Variants in DOCK3 observed in about 807,000 individuals in gnomAD.
DOCK3 encodes the protein dedicator of cytokinesis 3.
DOCK3 carries 60 observed loss-of-function variants against 265.6 expected under a neutral mutation model. The ratio of observed to expected loss-of-function variants is 0.23; its 90% CI spans 0.18 to 0.28. The LOEUF is 0.28. Among genes scored for constraint, DOCK3 ranks in the 10% least tolerant of loss-of-function variants. The pLI, the probability that DOCK3 is intolerant of heterozygous loss-of-function variation, is 1.00. For synonymous variants in DOCK3, 881 were observed against 938.0 expected, an observed-to-expected ratio of 0.94 and a Z score of 1.11; for missense variants, 1,981 against 2,594.3, an observed-to-expected ratio of 0.76 and a Z score of 5.14.
At chr3:51,167,889 A>T (rs867588325) in intron 12 of DOCK3, among the ~76,000 whole-genome samples, 79 of 152,166 alleles carry the variant, frequency 5.2e-4, no homozygotes, top group Middle Eastern at 3.2e-3. Flanking sequence ...CTGCAAACAG[A>T]GACAGTTGAA....
chr3:50,744,714 C>T (rs140705161), intron 1 of DOCK3, among the ~76,000 whole-genome samples: 49 of 152,232 alleles, frequency 3.2e-4, no homozygotes, highest in Non-Finnish European at 5.4e-4. Flanking sequence ...GGGTTACAGG[C>T]GTGAGCCACT....
intron 3 of DOCK3, among the ~76,000 whole-genome samples, chr3:50,878,988 A>G (rs1482530026): frequency 1.3e-5 from 2 of 152,202 alleles, no homozygotes; most frequent in African/African-American, 4.8e-5. Context: ...ATTCTTAAAG[A>G]AAAGAATTTT....
intron 9 of DOCK3, among the ~76,000 whole-genome samples, chr3:51,113,161 G>A (rs1365754110): frequency 1.3e-5 from 2 of 152,082 alleles, no homozygotes; most frequent in Non-Finnish European, 2.9e-5. Flanking sequence ...TTATGTTCTA[G>A]AGGGGGAGAT....
chr3:51,294,044 A>C (rs546570259), intron 27 of DOCK3, among the ~76,000 whole-genome samples: 1 of 152,304 alleles, frequency 6.6e-6, no homozygotes, highest in East Asian at 1.9e-4. Context: ...AGTTTTCTCA[A>C]ACTAAAAATA....
intron 1 of DOCK3, among the ~76,000 whole-genome samples, chr3:50,751,734 T>C (rs2039824309): frequency 6.6e-6 from 1 of 152,108 alleles, no homozygotes; most frequent in Admixed American, 6.6e-5. Flanking sequence ...ACCAGGTAAT[T>C]TATAAAGGAA....
At chr3:51,341,169 A>G in intron 37 of DOCK3, 68 bp from the exon 38 acceptor site, 1 of 1,496,970 alleles carries the variant, frequency 6.7e-7, no homozygotes, top group Non-Finnish European at 8.9e-7. Flanking sequence ...TAGTCCTCTG[A>G]CACCAGGCTG....
chr3:50,949,314 A>G (rs1233958549), intron 5 of DOCK3, among the ~76,000 whole-genome samples: 2 of 152,240 alleles, frequency 1.3e-5, no homozygotes, highest in African/African-American at 4.8e-5. Context: ...ATTCAATAAC[A>G]AAACAACCCA....
intron 4 of DOCK3, among the ~76,000 whole-genome samples, chr3:50,894,664 G>T (rs926312428): frequency 1.3e-5 from 2 of 152,052 alleles, no homozygotes; most frequent in East Asian, 3.9e-4. Flanking sequence ...AAACTTGTTA[G>T]TAGATGCACA....
chr3:50,945,123 A>G (rs1016422595), intron 5 of DOCK3, among the ~76,000 whole-genome samples: 3 of 152,236 alleles, frequency 2.0e-5, no homozygotes, highest in Non-Finnish European at 2.9e-5. Context: ...ACTAAAAGGT[A>G]AAGGTATGTG....
chr3:50,750,941 A>T (rs907884056), intron 1 of DOCK3, among the ~76,000 whole-genome samples: 3 of 152,010 alleles, frequency 2.0e-5, no homozygotes, highest in African/African-American at 7.3e-5. Context: ...GTGAGCCACA[A>T]TTTTTTTTCT....
intron 5 of DOCK3, among the ~76,000 whole-genome samples, chr3:51,012,369 C>T (rs1394253718): frequency 6.6e-6 from 1 of 152,210 alleles, no homozygotes; most frequent in Non-Finnish European, 1.5e-5. Flanking sequence ...CCTCCAGCCT[C>T]ACTGCCACCT....
chr3:51,182,402 T>C (rs2087351328), intron 12 of DOCK3, among the ~76,000 whole-genome samples: 1 of 152,218 alleles, frequency 6.6e-6, no homozygotes, highest in South Asian at 2.1e-4. Flanking sequence ...TTTGCCATAA[T>C]ACTCTAAGGT....
At chr3:51,047,146 G>T (rs2080807896) in intron 5 of DOCK3, among the ~76,000 whole-genome samples, 1 of 151,300 alleles carries the variant, frequency 6.6e-6, no homozygotes, top group Non-Finnish European at 1.5e-5. Context: ...AGAAAACTAA[G>T]CCTAAAGTTA....
rs1340140083 is a variant in DOCK3 at position 51,359,093 on chromosome 3, C to T, written c.4884+1016C>T. Among the ~76,000 whole-genome samples the T allele has an allele frequency of 2.0e-5, 3 of 152,222 alleles. No individual in the cohort carries two copies. Among genetic ancestry groups the T allele is most frequent in the Non-Finnish European group, 2.9e-5 (2 of 68,046 alleles). Reference sequence around the variant, plus strand: ...AGAAGTAGAGCTGTTCAATGCTGCACGAGGTTGTCATGAGCAAAAAATTCC... The same window carrying T: ...AGAAGTAGAGCTGTTCAATGCTGCATGAGGTTGTCATGAGCAAAAAATTCC... On this transcript the variant is annotated intron_variant, in intron 46 of 52. Transcript: ENST00000266037. The surrounding 1 kb of genome is among the most constrained non-coding windows in gnomAD (Gnocchi z 4.8).
At chr3:51,188,747 A>G (rs1258932182) in intron 12 of DOCK3, among the ~76,000 whole-genome samples, 3 of 152,132 alleles carry the variant, frequency 2.0e-5, no homozygotes, top group Non-Finnish European at 4.4e-5. Flanking sequence ...TAAAGGTAAC[A>G]TGGTTTTATT....
intron 5 of DOCK3, among the ~76,000 whole-genome samples, chr3:50,954,545 A>G (rs951009163): frequency 1.1e-4 from 17 of 152,178 alleles, no homozygotes; most frequent in Non-Finnish European, 2.1e-4. Flanking sequence ...TATTATTTAT[A>G]TAAAGTACCC....
chr3:51,203,692 A>C (rs2088969605), intron 12 of DOCK3, among the ~76,000 whole-genome samples: 1 of 152,222 alleles, frequency 6.6e-6, no homozygotes, highest in African/African-American at 2.4e-5. Context: ...ACCAAAAAAG[A>C]GCCTGCATTG....
intron 22 of DOCK3, among the ~76,000 whole-genome samples, chr3:51,253,337 T>A (rs1478139742): frequency 1.3e-5 from 2 of 152,202 alleles, no homozygotes; most frequent in Non-Finnish European, 2.9e-5. Flanking sequence ...TTTTTTGTTG[T>A]GTCTCTGCCA....
intron 5 of DOCK3, among the ~76,000 whole-genome samples, chr3:50,950,801 C>A (rs2076569034): frequency 6.6e-6 from 1 of 152,154 alleles, no homozygotes; most frequent in Non-Finnish European, 1.5e-5. Flanking sequence ...AAAATGCAGT[C>A]CTCCTTATTG....
Sources: allele counts gnomAD v4.1 joint callset (sites outside exome capture counted in the v4.1 genomes callset), GRCh38; gene constraint gnomAD v4.1.1; non-coding constraint Gnocchi (gnomAD v3.1); transcripts MANE v1.5; gene names NCBI Gene and HGNC (gene_info 2026-07-23, HGNC 2026-07-21).